PM20D1: variants seen among roughly 807,000 people sequenced by gnomAD.
The protein encoded by PM20D1 is N-fatty-acyl-amino acid synthase/hydrolase PM20D1.
PM20D1 carries 53 observed loss-of-function variants against 53.8 expected under a neutral mutation model. That is an observed-to-expected ratio of 0.98 (90% CI 0.79 to 1.24). PM20D1 has a LOEUF of 1.24. PM20D1 is among the 50% of genes most tolerant of loss of function. The probability of loss-of-function intolerance (pLI) is 0.00; values close to 1 mark genes in which losing one functional copy is unlikely to be tolerated. For missense variants in PM20D1, 564 were observed against 616.8 expected (o/e 0.91, Z 0.91); for synonymous variants, 239 against 241.3 (o/e 0.99, Z 0.09).
chr1:205,841,268 C>G (rs1656800907), intron 9 of PM20D1, among the ~76,000 whole-genome samples: 1 of 152,178 alleles, frequency 6.6e-6, no homozygotes, highest in African/African-American at 2.4e-5. Context: ...TTTCTTTGAA[C>G]TCGTATGGTG....
Position 205,840,279 on chromosome 1 carries a change from C to T in PM20D1, c.1089G>A (p.Arg363=). 6.2e-7 allele frequency: 1 copy of T among 1,614,042 alleles called. No homozygotes were observed. The highest frequency in any genetic ancestry group is 1.1e-5 in the South Asian group (1 of 91,032). ...CTTGGACTGTCTGTCCAGGGTGAAT[C>T]CGGAAGTTGACTGTGGCCTGGGCCA... The part of the protein sequence containing the change: ...PPVAQATVNF[R]IHPGQTVQEV... The change falls in exon 10 of 13, where the codon CGG becomes CGA. Residue 363 remains arginine, a synonymous_variant. Transcript: ENST00000367136.
chr1:205,834,985 AAAT>A (rs1247054603), intron 10 of PM20D1, among the ~76,000 whole-genome samples: 3 of 152,234 alleles, frequency 2.0e-5, no homozygotes, highest in African/African-American at 4.8e-5. Flanking sequence ...GAACCAATAA[AAAT>A]AAGAATAGGT....
chr1:205,849,764 T>C lies in PM20D1; in HGVS notation c.169+140A>G, dbSNP rs112755439. 2.4e-3 allele frequency: 2,575 copies of C among 1,073,280 alleles called. 46 individuals carry two copies. In the African/African-American group the frequency reaches 0.032, roughly 13 times the overall value. The allele number at this position is 1,073,280 out of a possible 1,614,324, so 66.5% of individuals were successfully genotyped here. A position where few individuals can be genotyped will look rare whatever the true frequency, so the allele number is the denominator to read the frequency against. On this transcript the variant is annotated intron_variant, in intron 1 of 12. Transcript: ENST00000367136. ...GGGGCACGATGTGCTGGGAAGGGTG[T>C]TGGGGCCGGGCTGGGGTGCGTGTCG...
chr1:205,829,227 T>C (rs1237408208), intron 12 of PM20D1, among the ~76,000 whole-genome samples: 2 of 152,066 alleles, frequency 1.3e-5, no homozygotes, highest in Non-Finnish European at 2.9e-5. Context: ...TGGAGTCTCA[T>C]TATGTTGCCC....
chr1:205,833,526 T>C (rs1656608219), intron 10 of PM20D1, among the ~76,000 whole-genome samples: 2 of 152,260 alleles, frequency 1.3e-5, no homozygotes, highest in Admixed American at 1.3e-4. Context: ...GATACTTGTA[T>C]TCAAGTTTTC....
At chr1:205,846,372 C>G (rs1404683950) in intron 2 of PM20D1, among the ~76,000 whole-genome samples, 1 of 151,256 alleles carries the variant, frequency 6.6e-6, no homozygotes, top group Admixed American at 6.6e-5. Context: ...GCTGACACAG[C>G]AAGACTCCAA....
chr1:205,828,517 T>A lies in PM20D1; in HGVS notation c.*103A>T, dbSNP rs1307218938. Reference sequence around the variant, plus strand: ...GTGAGCAAGACAGATGGGCAATGTTTTACAATGTGGTTTTGATCAAAAGTT... The same window carrying A: ...GTGAGCAAGACAGATGGGCAATGTTATACAATGTGGTTTTGATCAAAAGTT... On this transcript the variant is annotated 3_prime_UTR_variant, in exon 13 of 13. Transcript: ENST00000367136. The A allele has an allele frequency of 6.7e-7, 1 of 1,484,566 alleles. No homozygotes were observed. The highest frequency in any genetic ancestry group is 9.1e-7 in the Non-Finnish European group (1 of 1,100,230). 92.0% of individuals were successfully genotyped at this position (1,484,566 alleles called of 1,614,324 possible). A position where few individuals can be genotyped will look rare whatever the true frequency, so the allele number is the denominator to read the frequency against.
At position 205,844,186 on chromosome 1, in the gene PM20D1, G is replaced by T. The variant is rs776995191; in HGVS notation, c.608C>A (p.Ala203Asp). The change falls in exon 5 of 13, where the codon GCC becomes GAC. Residue 203 changes from alanine (A) to aspartate (D), a missense_variant. Physicochemically the swap from Ala to Asp is moderately radical, Grantham distance 126. Coordinates refer to ENST00000367136, the MANE Select transcript of PM20D1 (RefSeq NM_152491.5). The part of the protein sequence containing the change: ...SSGTGAQRIS[A>D]LLQSRGVQLA... ...CTGGACGCCCCTTGACTGTAGCAGG[G>T]CTGAGATCCTCTGAGCCCCTGTCCC... The T allele has an allele frequency of 1.9e-6, 3 of 1,613,610 alleles. No homozygotes were observed. In the South Asian group the frequency reaches 3.3e-5, roughly 18 times the overall value.
At position 205,850,099 on chromosome 1, in the gene PM20D1, C is replaced by A. The variant is rs1450515647; in HGVS notation, c.-27G>T. ...CTTCTCTCGAGCTCCTGCTGTCAGGCTACCGGGGTAGTTCTGACCTAAACG... is the reference window on the plus strand; with the variant it reads ...CTTCTCTCGAGCTCCTGCTGTCAGGATACCGGGGTAGTTCTGACCTAAACG... On this transcript the variant is annotated 5_prime_UTR_variant, in exon 1 of 13. Transcript: ENST00000367136. 2 of 1,604,968 alleles carry A rather than the reference C, an allele frequency of 1.2e-6. No homozygotes were observed. The highest frequency in any genetic ancestry group is 1.7e-4 in the Middle Eastern group (1 of 5,756).
chr1:205,833,881 T>TCTGTCTCAGG lies in PM20D1; in HGVS notation c.1117-1116_1117-1115insCCTGAGACAG, dbSNP rs1656621507. 5.3e-5 allele frequency among the ~76,000 whole-genome samples: 8 copies of TCTGTCTCAGG among 151,990 alleles called. 1 individual carries two copies. In the South Asian group the frequency reaches 1.7e-3, roughly 32 times the overall value. ...TTTTTTTTTTGAGACAGAATCTCAC[T>TCTGTCTCAGG]CTGTCGCCCAGGCTGGAGTGCAGTG... On this transcript the variant is annotated intron_variant, in intron 10 of 12. Coordinates refer to ENST00000367136, the MANE Select transcript of PM20D1 (RefSeq NM_152491.5).
At chr1:205,833,964 C>T (rs1347668187) in intron 10 of PM20D1, among the ~76,000 whole-genome samples, 15 of 146,880 alleles carry the variant, frequency 1.0e-4, no homozygotes, top group Middle Eastern at 8.2e-3. Context: ...TCTCCTGCCT[C>T]AGCCTCCCGA....
At chr1:205,847,824 A>C (rs1270368593) in intron 2 of PM20D1, 61 bp downstream of exon 2, 1 of 1,006,810 alleles carries the variant, frequency 9.9e-7, no homozygotes, top group African/African-American at 1.6e-5. Flanking sequence ...CACTTTGTAA[A>C]AGAACTGTGT....
At chr1:205,844,266 C>G in intron 4 of PM20D1, 49 bp from the exon 5 acceptor site, 1 of 1,531,690 alleles carries the variant, frequency 6.5e-7, no homozygotes, top group Non-Finnish European at 8.8e-7. Context: ...CAGAGACAGA[C>G]CTCCAGACAT....
At chr1:205,841,972 A>C (rs1162240782) in intron 8 of PM20D1, 83 bp from the exon 9 acceptor site, 12 of 1,343,626 alleles carry the variant, frequency 8.9e-6, no homozygotes, top group Non-Finnish European at 1.3e-5. Context: ...ACTTTCCTGA[A>C]CCTTGGGGAT....
At chr1:205,842,801 C>G (rs1278355429) in intron 6 of PM20D1, 50 bp from the exon 7 acceptor site, 2 of 1,568,348 alleles carry the variant, frequency 1.3e-6, no homozygotes, top group African/African-American at 2.7e-5. Flanking sequence ...AGCCAAAGAT[C>G]AGTGGCTTGA....
intron 12 of PM20D1, 106 bp from the exon 13 acceptor site, chr1:205,828,849 A>G (rs1466812633): frequency 7.0e-7 from 1 of 1,436,622 alleles, no homozygotes; most frequent in South Asian, 1.3e-5. Flanking sequence ...CCCGGAAACT[A>G]CTGGCCCTCC....
intron 1 of PM20D1, among the ~76,000 whole-genome samples, 187 bp downstream of exon 1, chr1:205,849,717 G>T (rs1428208983): frequency 6.6e-6 from 1 of 152,104 alleles, no homozygotes; most frequent in Non-Finnish European, 1.5e-5. Context: ...CAGGTATGGG[G>T]GAAGTGTGGC....
rs1325303646 is a variant in PM20D1 at position 205,841,823 on chromosome 1, T to A, written c.1032A>T (p.Lys344Asn). ...CCAGGGATGTTACCTTGACCCCTGC[T>A]TTGAATATGGTGAGTGCCGTGGTGG... Reference protein sequence around the residue: ...IRTTTALTIFKAGVKFNVIPP... With the variant: ...IRTTTALTIFNAGVKFNVIPP... The change falls in exon 9 of 13, where the codon AAA becomes AAT. Residue 344 changes from lysine (K) to asparagine (N), a missense_variant. Coordinates refer to ENST00000367136, the MANE Select transcript of PM20D1 (RefSeq NM_152491.5). The A allele has an allele frequency of 1.3e-6, 2 of 1,568,740 alleles. No individual in the cohort carries two copies. The highest frequency in any genetic ancestry group is 4.7e-5 in the East Asian group (2 of 42,634).
intron 2 of PM20D1, among the ~76,000 whole-genome samples, chr1:205,847,055 T>G (rs1657006915): frequency 7.8e-6 from 1 of 128,790 alleles, no homozygotes; most frequent in Admixed American, 8.3e-5. Flanking sequence ...TCTTGCTCTC[T>G]CACTTACACT....
Sources: allele counts gnomAD v4.1 joint callset (sites outside exome capture counted in the v4.1 genomes callset), GRCh38; gene constraint gnomAD v4.1.1; transcripts MANE v1.5; gene names NCBI Gene and HGNC (gene_info 2026-07-23, HGNC 2026-07-21).